The following CXCL8 variants were observed in gnomAD, a reference collection of about 807,000 sequenced individuals.
CXCL8 encodes interleukin-8.
Under a neutral mutation model 10.9 loss-of-function variants are expected in CXCL8, and 12 were observed. That is an observed-to-expected ratio of 1.10 (90% CI 0.71 to 1.79). CXCL8 has a LOEUF of 1.79. Among genes scored for constraint, CXCL8 ranks in the 40% most tolerant of loss-of-function variants. The probability of loss-of-function intolerance (pLI) is 0.00; values close to 1 mark genes in which losing one functional copy is unlikely to be tolerated. For missense variants in CXCL8, 145 were observed against 113.4 expected, an observed-to-expected ratio of 1.28 and a Z score of -1.26; for synonymous variants, 41 against 39.6, an observed-to-expected ratio of 1.03 and a Z score of -0.13.
chr4:73,742,431 T>C lies in CXCL8; in HGVS notation c.285-18T>C. 7.9e-7 allele frequency: 1 copy of C among 1,273,016 alleles called. No individual in the cohort carries two copies. Among genetic ancestry groups the C allele is most frequent in the Non-Finnish European group, 1.1e-6 (1 of 891,332 alleles). The allele number at this position is 1,273,016 out of a possible 1,614,324, so 78.9% of individuals were successfully genotyped here. ...TTATTAAACATAGCTCATCTTTATA[T>C]TTTTAATTTTATTTTAGGGCTGAGA... is the stretch of plus-strand genomic sequence containing the variant. On this transcript the variant is annotated intron_variant, in intron 3 of 3. Coordinates refer to ENST00000307407, the MANE Select transcript of CXCL8 (RefSeq NM_000584.4).
intron 1 of CXCL8, 33 bp downstream of exon 1, chr4:73,740,755 C>G (rs909040696): frequency 4.4e-6 from 7 of 1,589,394 alleles, no homozygotes; most frequent in African/African-American, 1.3e-5. Flanking sequence ...CAGCGTTTTC[C>G]TATGTCTAAA....
chr4:73,741,257 T>G (rs1729163755), intron 1 of CXCL8, among the ~76,000 whole-genome samples: 1 of 152,200 alleles, frequency 6.6e-6, no homozygotes, highest in African/African-American at 2.4e-5. Flanking sequence ...TCACAGAGGA[T>G]TATGCAATAT....
intron 1 of CXCL8, among the ~76,000 whole-genome samples, chr4:73,741,002 T>G (rs970984890): frequency 1.3e-4 from 20 of 152,194 alleles, no homozygotes; most frequent in Admixed American, 1.2e-3. Context: ...TATGTCCTAT[T>G]GAGAACCACG....
rs867924256 is a variant in CXCL8, at chr4:73,740,715, G to T, written c.57G>T (p.Leu19=). 13 of 1,612,904 alleles carry T rather than the reference G, an allele frequency of 8.1e-6. No homozygotes were observed. In the Admixed American group the frequency reaches 1.3e-4, roughly 17 times the overall value. ...CAGCCTTCCTGATTTCTGCAGCTCTGTGTGAAGGTAAGCACATCTTTCTGA... is the reference window on the plus strand; with the variant it reads ...CAGCCTTCCTGATTTCTGCAGCTCTTTGTGAAGGTAAGCACATCTTTCTGA... The part of the protein sequence containing the change: ...LLAAFLISAA[L]CEGAVLPRSA... The change falls in exon 1 of 4, where the codon CTG becomes CTT. Residue 19 remains leucine (L), a synonymous_variant. Coordinates refer to ENST00000307407, the MANE Select transcript of CXCL8 (RefSeq NM_000584.4).
intron 1 of CXCL8, among the ~76,000 whole-genome samples, chr4:73,741,167 T>C (rs1355949141): frequency 6.6e-6 from 1 of 152,208 alleles, no homozygotes; most frequent in East Asian, 1.9e-4. Context: ...AACTTATTTA[T>C]ATATTTCTGT....
intron 2 of CXCL8, 100 bp downstream of exon 2, chr4:73,741,777 G>C (rs1729181329): frequency 8.5e-7 from 1 of 1,174,424 alleles, no homozygotes; most frequent in Non-Finnish European, 1.2e-6. Flanking sequence ...GATTACAGTA[G>C]TAAATGAAAC....
chr4:73,742,138 C>A, intron 3 of CXCL8, 106 bp downstream of exon 3: 3 of 571,502 alleles, frequency 5.2e-6, no homozygotes, highest in Non-Finnish European at 8.5e-6. Flanking sequence ...CATTAGGTAT[C>A]TGCCTTTTTG....
At chr4:73,741,469 A>G (rs910476364) in intron 1 of CXCL8, 73 bp from the exon 2 acceptor site, 1 of 1,403,360 alleles carries the variant, frequency 7.1e-7, no homozygotes, top group Non-Finnish European at 9.9e-7. Context: ...TCATATTGGA[A>G]TTAGAAAGGA....
chr4:73,740,592 C>T lies in CXCL8; in HGVS notation c.-67C>T, dbSNP rs1401515256. 1.4e-6 allele frequency: 2 copies of T among 1,430,210 alleles called. No individual in the cohort carries two copies. The highest frequency in any genetic ancestry group is 2.0e-6 in the Non-Finnish European group (2 of 1,020,086). 88.6% of individuals were successfully genotyped at this position (1,430,210 alleles called of 1,614,324 possible). ...GCACAAACTTTCAGAGACAGCAGAG[C>T]ACACAAGCTTCTAGGACAAGAGCCA... On this transcript the variant is annotated 5_prime_UTR_variant, in exon 1 of 4. Transcript: ENST00000307407.
intron 3 of CXCL8, 125 bp from the exon 4 acceptor site, chr4:73,742,324 A>T: frequency 1.7e-6 from 1 of 592,948 alleles, no homozygotes; most frequent in Non-Finnish European, 3.0e-6. Flanking sequence ...TGATCTCCCT[A>T]TTTATAGTTG....
At position 73,740,685 on chromosome 4, in the gene CXCL8, C is replaced by G; in HGVS notation, c.27C>G (p.Leu9=). Residue 9 remains leucine, a synonymous_variant, in exon 1 of 4, where the codon CTC becomes CTG. Transcript: ENST00000307407. ...TGACTTCCAAGCTGGCCGTGGCTCTCTTGGCAGCCTTCCTGATTTCTGCAG... is the reference window on the plus strand; with the variant it reads ...TGACTTCCAAGCTGGCCGTGGCTCTGTTGGCAGCCTTCCTGATTTCTGCAG... MTSKLAVA[L]LAAFLISAAL... 6.2e-7 allele frequency: 1 copy of G among 1,613,750 alleles called. No individual in the cohort carries two copies. Among genetic ancestry groups the G allele is most frequent in the South Asian group, 1.1e-5 (1 of 91,062 alleles).
chr4:73,740,784 A>G, intron 1 of CXCL8, 62 bp downstream of exon 1: 1 of 1,339,026 alleles, frequency 7.5e-7, no homozygotes, highest in Non-Finnish European at 1.1e-6. Flanking sequence ...TTAGATAGCA[A>G]AGCTATTCTT....
In CXCL8 at chr4:73,743,713, G is replaced by A. The variant is rs1729243399; in HGVS notation, c.*1249G>A. 5.2e-6 allele frequency: 1 copy of A among 192,162 alleles called. No homozygotes were observed. The highest frequency in any genetic ancestry group is 1.1e-5 in the Non-Finnish European group (1 of 92,984). 11.9% of individuals were successfully genotyped at this position (192,162 alleles called of 1,614,324 possible). A position where few individuals can be genotyped will look rare whatever the true frequency, so the allele number is the denominator to read the frequency against. ...ATTTAAAATATAATTTGTTGTCAAA[G>A]TAATCAAGTGTTTGTCTTTTTTTTA... On this transcript the variant is annotated 3_prime_UTR_variant, in exon 4 of 4. Transcript: ENST00000307407.
At position 73,740,699 on chromosome 4, in the gene CXCL8, T is replaced by C; in HGVS notation, c.41T>C (p.Leu14Pro). ...GCCGTGGCTCTCTTGGCAGCCTTCCTGATTTCTGCAGCTCTGTGTGAAGGT... is the reference window on the plus strand; with the variant it reads ...GCCGTGGCTCTCTTGGCAGCCTTCCCGATTTCTGCAGCTCTGTGTGAAGGT... ...KLAVALLAAF[L>P]ISAALCEGAV... Residue 14 changes from leucine to proline, a missense_variant, in exon 1 of 4, where the codon CTG becomes CCG. Coordinates refer to ENST00000307407, the MANE Select transcript of CXCL8 (RefSeq NM_000584.4). The C allele has an allele frequency of 1.2e-6, 2 of 1,613,680 alleles. No individual in the cohort carries two copies. Among genetic ancestry groups the C allele is most frequent in the Non-Finnish European group, 1.7e-6 (2 of 1,179,704 alleles).
In CXCL8 at chr4:73,741,946, C is replaced by T. The variant is rs776187785; in HGVS notation, c.201-3C>T. ...AATCTGAACCATTTCTTTCTTATTT[C>T]AGTGTAAAGCTTTCTGATGGAAGAG... is the stretch of plus-strand genomic sequence containing the variant. On this transcript the variant is annotated splice_polypyrimidine_tract_variant and splice_region_variant and intron_variant, in intron 2 of 3. Coordinates refer to ENST00000307407, the MANE Select transcript of CXCL8 (RefSeq NM_000584.4). The T allele has an allele frequency of 6.3e-7, 1 of 1,595,356 alleles. No individual in the cohort carries two copies. Among genetic ancestry groups the T allele is most frequent in the African/African-American group, 1.3e-5 (1 of 74,542 alleles).
Position 73,741,637 on chromosome 4 carries a change from G to A in CXCL8, c.160G>A (p.Val54Met), listed in dbSNP as rs1289303400. The A allele has an allele frequency of 4.3e-6, 7 of 1,613,422 alleles. No individual in the cohort carries two copies. The East Asian group carries it at 1.6e-4, about 36-fold the overall frequency. ...FHPKFIKELR[V>M]IESGPHCANT... ...CCCCAAATTTATCAAAGAACTGAGA[G>A]TGATTGAGAGTGGACCACACTGCGC... Residue 54 changes from valine (V) to methionine (M), a missense_variant, in exon 2 of 4, where the codon GTG (valine) becomes ATG (methionine). Coordinates refer to ENST00000307407, the MANE Select transcript of CXCL8 (RefSeq NM_000584.4).
At chr4:73,742,143 T>G (rs1729191693) in intron 3 of CXCL8, 111 bp downstream of exon 3, 2 of 517,216 alleles carry the variant, frequency 3.9e-6, no homozygotes, top group Admixed American at 5.8e-5. Context: ...GGTATCTGCC[T>G]TTTTGGTTAA....
chr4:73,742,065 A>G (rs573569793), intron 3 of CXCL8, 33 bp downstream of exon 3: 7 of 1,292,006 alleles, frequency 5.4e-6, no homozygotes, highest in African/African-American at 4.6e-5. Flanking sequence ...TAAATTTTTC[A>G]TTTATCCTGA....
At position 73,740,629 on chromosome 4, in the gene CXCL8, C is replaced by A; in HGVS notation, c.-30C>A. On this transcript the variant is annotated 5_prime_UTR_variant, in exon 1 of 4. Coordinates refer to ENST00000307407, the MANE Select transcript of CXCL8 (RefSeq NM_000584.4). ...TAGGACAAGAGCCAGGAAGAAACCACCGGAAGGAACCATCTCACTGTGTGT... is the reference window on the plus strand; with the variant it reads ...TAGGACAAGAGCCAGGAAGAAACCAACGGAAGGAACCATCTCACTGTGTGT... 1.2e-6 allele frequency: 2 copies of A among 1,607,106 alleles called. No individual in the cohort carries two copies. The highest frequency in any genetic ancestry group is 1.7e-6 in the Non-Finnish European group (2 of 1,174,862).
Sources: allele counts gnomAD v4.1 joint callset (sites outside exome capture counted in the v4.1 genomes callset), GRCh38; gene constraint gnomAD v4.1.1; transcripts MANE v1.5; gene names NCBI Gene and HGNC (gene_info 2026-07-23, HGNC 2026-07-21).